Variants in THADA observed in about 807,000 individuals in gnomAD.
THADA encodes the protein THADA armadillo repeat containing, also known as tRNA (32-2'-O)-methyltransferase regulator THADA.
THADA carries 213 observed loss-of-function variants against 219.8 expected under a neutral mutation model. That is an observed-to-expected ratio of 0.97 (90% CI 0.87 to 1.09). The LOEUF (loss-of-function observed/expected upper bound fraction) is 1.09. THADA is among the 50% of genes least tolerant of loss of function. The pLI, the probability that THADA is intolerant of heterozygous loss-of-function variation, is 0.00. For synonymous variants in THADA, 1,018 were observed against 828.9 expected (o/e 1.23, Z -3.92); for missense variants, 2,956 against 2,311.3 (o/e 1.28, Z -5.72).
At chr2:43,471,173 T>A (rs1014570132) in intron 26 of THADA, among the ~76,000 whole-genome samples, 1 of 152,208 alleles carries the variant, frequency 6.6e-6, no homozygotes, top group Non-Finnish European at 1.5e-5. Context: ...ACTCATTTAC[T>A]GTCACCCCCC....
At chr2:43,556,603 A>C in intron 16 of THADA, 48 bp from the exon 17 acceptor site, 1 of 1,543,988 alleles carries the variant, frequency 6.5e-7, no homozygotes. Context: ...AGATCTCTTT[A>C]ATTTAAAAAA....
intron 19 of THADA, 83 bp downstream of exon 19, chr2:43,551,706 G>C (rs1004987320): frequency 3.1e-6 from 4 of 1,286,504 alleles, no homozygotes; most frequent in Non-Finnish European, 3.1e-6. Context: ...TCTCCCCAAA[G>C]AAATACTTGG....
intron 30 of THADA, among the ~76,000 whole-genome samples, chr2:43,334,706 C>G (rs1039289556): frequency 6.6e-6 from 1 of 151,456 alleles, no homozygotes; most frequent in South Asian, 2.1e-4. Context: ...ACCTGGGAGG[C>G]GGAGCTTGCA....
At chr2:43,364,618 T>G (rs976120627) in intron 29 of THADA, among the ~76,000 whole-genome samples, 1 of 152,242 alleles carries the variant, frequency 6.6e-6, no homozygotes, top group Non-Finnish European at 1.5e-5. Context: ...GTACTGCATT[T>G]ACTTTTGGGA....
At chr2:43,483,171 C>T (rs1050997767) in intron 26 of THADA, among the ~76,000 whole-genome samples, 2 of 152,082 alleles carry the variant, frequency 1.3e-5, no homozygotes, top group South Asian at 2.1e-4. Context: ...GGTGTGTCAC[C>T]GGCTGAGGTT....
intron 14 of THADA, among the ~76,000 whole-genome samples, chr2:43,570,020 A>T (rs753167517): frequency 1.2e-4 from 18 of 152,242 alleles, no homozygotes; most frequent in Admixed American, 2.6e-4. Flanking sequence ...TCTGTAAGTC[A>T]TCTCAAACTA....
intron 36 of THADA, among the ~76,000 whole-genome samples, chr2:43,255,230 T>TA (rs2104162767): frequency 6.6e-6 from 1 of 152,358 alleles, no homozygotes; most frequent in African/African-American, 2.4e-5. Context: ...AGGTGCGGGT[T>TA]ATTTTATATA....
At chr2:43,433,317 G>T (rs1234881884) in intron 26 of THADA, among the ~76,000 whole-genome samples, 1 of 152,044 alleles carries the variant, frequency 6.6e-6, no homozygotes, top group Non-Finnish European at 1.5e-5. Context: ...ATCACCTGAG[G>T]TCAGGAGTTC....
intron 9 of THADA, among the ~76,000 whole-genome samples, chr2:43,577,448 T>C (rs888523281): frequency 6.6e-6 from 1 of 151,448 alleles, no homozygotes; most frequent in African/African-American, 2.4e-5. Context: ...ATTTTGCTGG[T>C]TGGAATGTAC....
chr2:43,306,753 A>G (rs1476776509), intron 31 of THADA, among the ~76,000 whole-genome samples: 2 of 152,228 alleles, frequency 1.3e-5, no homozygotes, highest in African/African-American at 2.4e-5. Context: ...CAGCCCCAAC[A>G]TGGAGAGAGG....
intron 24 of THADA, among the ~76,000 whole-genome samples, chr2:43,503,741 A>C (rs1418352147): frequency 6.6e-6 from 1 of 152,180 alleles, no homozygotes; most frequent in African/African-American, 2.4e-5. Flanking sequence ...TCAACTAAAA[A>C]AGCTTAGAAG....
At chr2:43,375,501 T>C (rs892936938) in intron 29 of THADA, among the ~76,000 whole-genome samples, 1 of 152,196 alleles carries the variant, frequency 6.6e-6, no homozygotes, top group Non-Finnish European at 1.5e-5. Flanking sequence ...TTATACTTCA[T>C]CATTGTAGCT....
intron 31 of THADA, among the ~76,000 whole-genome samples, chr2:43,297,682 G>C (rs1206040917): frequency 8.8e-6 from 1 of 113,224 alleles, no homozygotes; most frequent in Admixed American, 8.0e-5. Flanking sequence ...GGGAAGTGAG[G>C]AGCCCCTCAG....
intron 26 of THADA, among the ~76,000 whole-genome samples, chr2:43,470,762 G>C (rs76841758): frequency 1.3e-5 from 2 of 152,292 alleles, no homozygotes; most frequent in East Asian, 3.9e-4. Flanking sequence ...GAAACAGATA[G>C]AGGCAACAAG....
intron 36 of THADA, among the ~76,000 whole-genome samples, chr2:43,241,415 T>A (rs947506398): frequency 6.6e-5 from 10 of 151,598 alleles, no homozygotes; most frequent in Admixed American, 6.6e-5. Context: ...TCTTAGAGCC[T>A]ACTATTTAAA....
intron 36 of THADA, among the ~76,000 whole-genome samples, chr2:43,234,488 G>C (rs950746166): frequency 2.0e-5 from 3 of 152,178 alleles, no homozygotes; most frequent in African/African-American, 4.8e-5. Flanking sequence ...AAAGGGGAGG[G>C]GGTGAAGGTG....
At chr2:43,548,280 G>A (rs1044660713) in intron 20 of THADA, among the ~76,000 whole-genome samples, 2 of 152,218 alleles carry the variant, frequency 1.3e-5, no homozygotes, top group Non-Finnish European at 2.9e-5. Context: ...CCCCTACTGG[G>A]GGGTGCCTCC....
At chr2:43,375,691 A>C (rs975748913) in intron 29 of THADA, among the ~76,000 whole-genome samples, 1 of 152,232 alleles carries the variant, frequency 6.6e-6, no homozygotes, top group Non-Finnish European at 1.5e-5. Context: ...AAACTGAAAA[A>C]TCTGTAGGCC....
At chr2:43,448,964 G>T (rs189246719) in intron 26 of THADA, among the ~76,000 whole-genome samples, 1 of 152,054 alleles carries the variant, frequency 6.6e-6, no homozygotes, top group South Asian at 2.1e-4. Context: ...CAATTCAAAG[G>T]GGGGGCGGGG....
Sources: allele counts gnomAD v4.1 joint callset (sites outside exome capture counted in the v4.1 genomes callset), GRCh38; gene constraint gnomAD v4.1.1; transcripts MANE v1.5; gene names NCBI Gene and HGNC (gene_info 2026-07-23, HGNC 2026-07-21).